The following CDH13 variants were observed in gnomAD, a reference collection of about 807,000 sequenced individuals.
CDH13 encodes cadherin 13, also known as cadherin-13.
In CDH13, 24 loss-of-function variants were observed where a neutral mutation model predicts 63.8. The observed-to-expected ratio is 0.38, with a 90% CI of 0.27 to 0.53. The LOEUF (loss-of-function observed/expected upper bound fraction) is 0.53, where lower values mean the gene tolerates loss of function less well. CDH13 is among the 20% of genes least tolerant of loss of function. The pLI is 0.85. For synonymous variants in CDH13, 503 were observed against 355.3 expected (o/e 1.42, Z -4.67); for missense variants, 1,049 against 903.1 (o/e 1.16, Z -2.07).
At chr16:83,771,536 A>G (rs10514598) in intron 11 of CDH13, among the ~76,000 whole-genome samples, 38,658 of 152,110 alleles carry the variant, frequency 0.25, 5,344 homozygotes, top group Middle Eastern at 0.33. Context: ...CCATGAAGCA[A>G]AAGCACCGCC....
intron 10 of CDH13, among the ~76,000 whole-genome samples, chr16:83,725,294 C>T (rs7186539): frequency 0.067 from 10,174 of 152,234 alleles, 515 homozygotes; most frequent in African/African-American, 0.14. Flanking sequence ...ACAGGCAGGA[C>T]TGCAACGGGT....
intron 9 of CDH13, among the ~76,000 whole-genome samples, chr16:83,674,641 A>G (rs891385737): frequency 5.9e-5 from 9 of 152,318 alleles, no homozygotes; most frequent in Middle Eastern, 3.4e-3. Flanking sequence ...CCAGTTAGCA[A>G]TCCAACATAC....
rs191863730 is a variant in CDH13 at position 83,636,372 on chromosome 16, A to G, written c.1101+33778A>G. ...GTTTGTTACGAAGGTATATTACATGATGCTAGGGTTTGGAGCATGATGAAC... is the reference window on the plus strand; with the variant it reads ...GTTTGTTACGAAGGTATATTACATGGTGCTAGGGTTTGGAGCATGATGAAC... On this transcript the variant is annotated intron_variant, in intron 8 of 13. Coordinates refer to ENST00000567109, the MANE Select transcript of CDH13 (RefSeq NM_001257.5). Among the ~76,000 whole-genome samples the G allele has an allele frequency of 2.6e-4, 40 of 152,290 alleles. No individual in the cohort carries two copies. In the East Asian group the frequency reaches 7.3e-3, roughly 28 times the overall value.
intron 6 of CDH13, among the ~76,000 whole-genome samples, chr16:83,356,243 TGTGTGTGTGTGTGTGTG>T (rs2091053883): frequency 6.6e-6 from 1 of 151,184 alleles, no homozygotes; most frequent in Non-Finnish European, 1.5e-5. Flanking sequence ...TGTGTGTGTG[TGTGTGTGTGTGTGTGTG>T]TGTGTAGATG....
At chr16:83,762,698 C>G (rs1337177972) in intron 11 of CDH13, among the ~76,000 whole-genome samples, 1 of 152,212 alleles carries the variant, frequency 6.6e-6, no homozygotes, top group African/African-American at 2.4e-5. Context: ...TCACTCCACG[C>G]TCACTGCTCA....
chr16:83,017,973 A>G (rs1914966749), intron 2 of CDH13, among the ~76,000 whole-genome samples: 1 of 152,222 alleles, frequency 6.6e-6, no homozygotes, highest in Non-Finnish European at 1.5e-5. Context: ...AGCCCAGCAA[A>G]ACACAGTTTG....
At position 83,779,964 on chromosome 16, in the gene CDH13, A is replaced by G. The variant is rs372980459; in HGVS notation, c.1682-4A>G. ...CATACCAACATCTTCCCTTTTTCCC[A>G]CAGGCAACCCTCCCGCTACGGGCAC... On this transcript the variant is annotated splice_polypyrimidine_tract_variant and splice_region_variant and intron_variant, in intron 11 of 13. Coordinates refer to ENST00000567109, the MANE Select transcript of CDH13 (RefSeq NM_001257.5). 40 of 1,599,286 alleles carry G rather than the reference A, an allele frequency of 2.5e-5. No homozygotes were observed. The African/African-American group carries it at 5.0e-4, about 20-fold the overall frequency.
chr16:82,973,439 C>T (rs1371677778), intron 2 of CDH13, among the ~76,000 whole-genome samples: 3 of 152,198 alleles, frequency 2.0e-5, no homozygotes, highest in African/African-American at 4.8e-5. Flanking sequence ...CTTGTTTTCC[C>T]ACTGTTCACT....
rs142772196 is a variant in CDH13 at position 83,030,381 on chromosome 16, G to A, written c.158-1629G>A. ...ATTCTTAAAAAGTACCCTGTGGGCC[G>A]GGTACAGTGGCTCACGCCTGTAATC... On this transcript the variant is annotated intron_variant, in intron 2 of 13. Transcript: ENST00000567109. Among the ~76,000 whole-genome samples, 22 of 152,102 alleles carry A rather than the reference G, an allele frequency of 1.4e-4. No individual in the cohort carries two copies. The East Asian group carries it at 3.7e-3, about 25-fold the overall frequency.
chr16:83,079,326 A>T (rs2033076506), intron 3 of CDH13, among the ~76,000 whole-genome samples: 1 of 152,102 alleles, frequency 6.6e-6, no homozygotes, highest in Non-Finnish European at 1.5e-5. Context: ...ATGGTTATTC[A>T]TATTCTTCTT....
chr16:83,383,094 C>T (rs1029463878), intron 6 of CDH13: 1 of 152,336 alleles, frequency 6.6e-6, no homozygotes. Flanking sequence ...CTTTCCCTGA[C>T]TTTCATCGTC....
intron 5 of CDH13, among the ~76,000 whole-genome samples, chr16:83,263,055 A>G (rs1202423287): frequency 6.6e-6 from 1 of 152,202 alleles, no homozygotes; most frequent in Non-Finnish European, 1.5e-5. Flanking sequence ...GTTCAAATAC[A>G]TTTTGTTATT....
chr16:83,535,010 A>G (rs545738091), intron 7 of CDH13, among the ~76,000 whole-genome samples: 53 of 152,352 alleles, frequency 3.5e-4, no homozygotes, highest in African/African-American at 1.3e-3. Context: ...TAGTTTAATC[A>G]TATCTGCAGA....
intron 5 of CDH13, among the ~76,000 whole-genome samples, chr16:83,235,112 G>C (rs1408576022): frequency 6.6e-6 from 1 of 152,182 alleles, no homozygotes. Flanking sequence ...GGCTAAGGTG[G>C]GAGGATAACT....
chr16:82,912,885 G>A (rs964715243), intron 2 of CDH13, among the ~76,000 whole-genome samples: 2 of 151,764 alleles, frequency 1.3e-5, no homozygotes, highest in Non-Finnish European at 2.9e-5. Context: ...GGAGCTTGCA[G>A]TGAGCCGAGA....
chr16:83,360,172 A>C (rs2151384707), intron 6 of CDH13, among the ~76,000 whole-genome samples: 1 of 152,362 alleles, frequency 6.6e-6, no homozygotes, highest in South Asian at 2.1e-4. Flanking sequence ...CTCTCGCCAT[A>C]GGAAATATCG....
At chr16:83,555,311 A>G (rs1481245708) in intron 7 of CDH13, among the ~76,000 whole-genome samples, 2 of 152,236 alleles carry the variant, frequency 1.3e-5, no homozygotes, top group Non-Finnish European at 2.9e-5. Context: ...GACCAGCAGC[A>G]TTGAAAACAC....
At chr16:83,404,604 C>T (rs1349899372) in intron 6 of CDH13, among the ~76,000 whole-genome samples, 1 of 152,180 alleles carries the variant, frequency 6.6e-6, no homozygotes, top group Non-Finnish European at 1.5e-5. Context: ...GATGTGTGTG[C>T]ACACACCCCC....
At chr16:82,872,263 C>G (rs2040367149) in intron 2 of CDH13, among the ~76,000 whole-genome samples, 1 of 152,190 alleles carries the variant, frequency 6.6e-6, no homozygotes, top group South Asian at 2.1e-4. Context: ...AGGTTTCTTG[C>G]TGGTGATGCT....
Sources: allele counts gnomAD v4.1 joint callset (sites outside exome capture counted in the v4.1 genomes callset), GRCh38; gene constraint gnomAD v4.1.1; transcripts MANE v1.5; gene names NCBI Gene and HGNC (gene_info 2026-07-23, HGNC 2026-07-21).